RIMBP2: variants seen among roughly 807,000 people sequenced by gnomAD.
RIMBP2 encodes RIMS-binding protein 2.
RIMBP2 carries 48 observed loss-of-function variants against 118.6 expected under a neutral mutation model. The ratio of observed to expected loss-of-function variants is 0.40; its 90% CI spans 0.32 to 0.51. The LOEUF (loss-of-function observed/expected upper bound fraction) is 0.51. Among genes scored for constraint, RIMBP2 ranks in the 20% least tolerant of loss-of-function variants. The pLI, the probability that RIMBP2 is intolerant of heterozygous loss-of-function variation, is 0.41. For synonymous variants in RIMBP2, 762 were observed against 742.9 expected, an observed-to-expected ratio of 1.03 and a Z score of -0.42; for missense variants, 1,551 against 1,768.3, an observed-to-expected ratio of 0.88 and a Z score of 2.20.
At chr12:130,470,805 T>C (rs748605714) in intron 5 of RIMBP2, 62 bp from the exon 6 acceptor site, 63 of 986,674 alleles carry the variant, frequency 6.4e-5, no homozygotes, top group Non-Finnish European at 7.8e-5. Flanking sequence ...GACAATCGGA[T>C]CAATGTCTGA....
chr12:130,400,226 G>A (rs1023455069), intron 21 of RIMBP2, among the ~76,000 whole-genome samples: 14 of 152,190 alleles, frequency 9.2e-5, no homozygotes, highest in Non-Finnish European at 1.8e-4. Context: ...ACCTTCAGAC[G>A]GTGGGGACCT....
intron 16 of RIMBP2, among the ~76,000 whole-genome samples, chr12:130,423,730 G>GA (rs749515260): frequency 2.0e-5 from 2 of 101,190 alleles, no homozygotes; most frequent in African/African-American, 7.8e-5. Flanking sequence ...AGAAAGCAAT[G>GA]AAAAAAACTC....
At chr12:130,457,298 A>G (rs1189060787) in intron 6 of RIMBP2, among the ~76,000 whole-genome samples, 1 of 152,206 alleles carries the variant, frequency 6.6e-6, no homozygotes, top group East Asian at 1.9e-4. Flanking sequence ...ACACTGCTGC[A>G]TTTGCAGACA....
chr12:130,471,263 A>G (rs1366697702), intron 5 of RIMBP2, among the ~76,000 whole-genome samples: 2 of 152,180 alleles, frequency 1.3e-5, no homozygotes, highest in African/African-American at 4.8e-5. Context: ...ATAACTTCAC[A>G]TGTTTCACTA....
rs1392970237 is a variant in RIMBP2, at chr12:130,664,427, A to G, written c.-351-35971T>C. ...CGCACGCACGCACACACACGCACAC[A>G]CATGCATGCACGCACACACGCACAC... is the stretch of plus-strand genomic sequence containing the variant. On this transcript the variant is annotated intron_variant, in intron 1 of 22. Transcript: ENST00000690449. Among the ~76,000 whole-genome samples, 503 of 71,222 alleles carry G rather than the reference A, an allele frequency of 7.1e-3. 10 individuals carry two copies. The highest frequency in any genetic ancestry group is 0.014 in the Non-Finnish European group (380 of 27,226). The allele number at this position is 71,222 out of a possible 152,430, so 46.7% of individuals were successfully genotyped here.
rs554642962 is a variant in RIMBP2 at position 130,540,401 on chromosome 12, T to C, written c.-216-22484A>G. On this transcript the variant is annotated intron_variant, in intron 2 of 22. Transcript: ENST00000690449. ...AGTTTTGAAATCACCCCAGTTGTCC[T>C]GTAGAACTGACGTTTATGGATTCTT... 2.6e-5 allele frequency among the ~76,000 whole-genome samples: 4 copies of C among 152,326 alleles called. 1 individual carries two copies. In the South Asian group the frequency reaches 6.2e-4, roughly 24 times the overall value.
Position 130,422,962 on chromosome 12 carries a change from G to T in RIMBP2, c.3130-401C>A, listed in dbSNP as rs2076511941. 6.6e-6 allele frequency among the ~76,000 whole-genome samples: 1 copy of T among 152,210 alleles called. No homozygotes were observed. The highest frequency in any genetic ancestry group is 2.4e-5 in the African/African-American group (1 of 41,438). ...TCCCAGCTGTCACGAAAGTGGGGAA[G>T]ATGTTGCAGTTCCTCCTGTCCTGCT... On this transcript the variant is annotated intron_variant, in intron 16 of 22. Transcript: ENST00000690449. This position sits in a 1 kb window ranked among gnomAD's most constrained non-coding sequence, Gnocchi z 5.2.
In RIMBP2 at chr12:130,664,435, G is replaced by GCACACGCACACA. The variant is rs1362551497; in HGVS notation, c.-351-35980_-351-35979insTGTGTGCGTGTG. On this transcript the variant is annotated intron_variant, in intron 1 of 22. Transcript: ENST00000690449. ...CGCACACACACGCACACACATGCAT[G>GCACACGCACACA]CACGCACACACGCACACACATGCAC... Among the ~76,000 whole-genome samples, 500 of 56,364 alleles carry GCACACGCACACA rather than the reference G, an allele frequency of 8.9e-3. 10 individuals are homozygous for GCACACGCACACA. The highest frequency in any genetic ancestry group is 0.017 in the Non-Finnish European group (377 of 21,568). The allele number at this position is 56,364 out of a possible 152,430, so 37.0% of individuals were successfully genotyped here.
Position 130,703,680 on chromosome 12 carries a change from C to T in RIMBP2, c.-352+12542G>A, listed in dbSNP as rs1399322511. ...TACATCACCCACCGCTCAGCCTCCC[C>T]TGGGGTCGGGTGGCTTCTCCACGTC... On this transcript the variant is annotated intron_variant, in intron 1 of 22. Transcript: ENST00000690449. The surrounding 1 kb of genome is among the most constrained non-coding windows in gnomAD (Gnocchi z 5.7). 2.0e-5 allele frequency among the ~76,000 whole-genome samples: 3 copies of T among 152,238 alleles called. No individual in the cohort carries two copies. Among genetic ancestry groups the T allele is most frequent in the Non-Finnish European group, 4.4e-5 (3 of 68,044 alleles).
chr12:130,440,145 G>A (rs1163309075), intron 11 of RIMBP2, among the ~76,000 whole-genome samples: 1 of 117,044 alleles, frequency 8.5e-6, no homozygotes. Context: ...ACCGTCCCCG[G>A]GCATGGCTAA....
rs78295599 is a variant in RIMBP2 at position 130,511,672 on chromosome 12, G to A, written c.-126-4902C>T. 0.02 allele frequency among the ~76,000 whole-genome samples: 3,004 copies of A among 152,312 alleles called. 119 individuals are homozygous for A. The highest frequency in any genetic ancestry group is 0.069 in the African/African-American group (2,864 of 41,548). The stretch of plus-strand genomic sequence containing the variant: ...CTCCTGCTGGGACCAGACTGAGACC[G>A]TCTGTGACACGGTTCTGATGAGCCT... On this transcript the variant is annotated intron_variant, in intron 3 of 22. Coordinates refer to ENST00000690449, the MANE Select transcript of RIMBP2 (RefSeq NM_001393629.1). The surrounding 1 kb of genome is among the most constrained non-coding windows in gnomAD (Gnocchi z 4.3).
chr12:130,437,441 TC>T, intron 12 of RIMBP2, 150 bp from the exon 13 acceptor site: 1 of 672,866 alleles, frequency 1.5e-6, no homozygotes, highest in Non-Finnish European at 2.5e-6. Context: ...GTATGGAAGC[TC>T]CAGGAAGTCT....
At chr12:130,535,755 A>ATG (rs2054001339) in intron 2 of RIMBP2, among the ~76,000 whole-genome samples, 2 of 43,894 alleles carry the variant, frequency 4.6e-5, no homozygotes, top group Non-Finnish European at 1.0e-4. Context: ...ATATATATAT[A>ATG]TATATATATA....
chr12:130,674,955 C>A (rs780910030), intron 1 of RIMBP2, among the ~76,000 whole-genome samples: 12 of 152,196 alleles, frequency 7.9e-5, no homozygotes, highest in Non-Finnish European at 4.4e-5. Flanking sequence ...CTTTTCGCGG[C>A]TGAATCAGAT....
chr12:130,599,415 T>TA (rs2059742785), intron 2 of RIMBP2, among the ~76,000 whole-genome samples: 1 of 152,126 alleles, frequency 6.6e-6, no homozygotes, highest in Admixed American at 6.5e-5. Flanking sequence ...CAATATTCAA[T>TA]AAAAAACAAG....
At chr12:130,517,399 AG>A (rs912536362) in intron 3 of RIMBP2, among the ~76,000 whole-genome samples, 6 of 152,088 alleles carry the variant, frequency 3.9e-5, no homozygotes, top group African/African-American at 9.7e-5. Context: ...TAAAGTACCA[AG>A]TTTCAGGTAT....
intron 2 of RIMBP2, 86 bp downstream of exon 2, chr12:130,628,236 A>G (rs1290485878): frequency 1.3e-5 from 2 of 152,246 alleles, no homozygotes; most frequent in Non-Finnish European, 2.9e-5. Flanking sequence ...TATGCCTCAA[A>G]TAAATCAACA....
At chr12:130,645,430 G>A (rs764701088) in intron 1 of RIMBP2, among the ~76,000 whole-genome samples, 3 of 152,186 alleles carry the variant, frequency 2.0e-5, no homozygotes, top group Non-Finnish European at 2.9e-5. Context: ...CTCCCTCCAG[G>A]CCCCTGAAGT....
chr12:130,608,636 T>A (rs1162945801), intron 2 of RIMBP2, among the ~76,000 whole-genome samples: 1 of 152,180 alleles, frequency 6.6e-6, no homozygotes, highest in Non-Finnish European at 1.5e-5. Flanking sequence ...GCTCAGGCCC[T>A]GTGGGGACAG....
Sources: gnomAD v4.1 joint callset for allele counts (sites outside exome capture counted in the v4.1 genomes callset) on GRCh38, gnomAD v4.1.1 for gene constraint, Gnocchi (gnomAD v3.1) non-coding constraint, MANE v1.5 for transcripts, NCBI Gene and HGNC (gene_info 2026-07-23, HGNC 2026-07-21) for gene names.